The following NLRP13 variants were observed in gnomAD, a reference collection of about 807,000 sequenced individuals.
NLRP13 encodes the protein NACHT, LRR and PYD domains-containing protein 13.
Under a neutral mutation model 94.4 loss-of-function variants are expected in NLRP13, and 82 were observed. That is an observed-to-expected ratio of 0.87 (90% CI 0.73 to 1.04). NLRP13 has a LOEUF of 1.04. Ranked by LOEUF, NLRP13 falls within the 50% of genes least tolerant of loss-of-function variation. The probability of loss-of-function intolerance (pLI) is 0.00; values close to 1 mark genes in which losing one functional copy is unlikely to be tolerated. For missense variants in NLRP13, 1,426 were observed against 1,230.8 expected (o/e 1.16, Z -2.37); for synonymous variants, 553 against 464.7 (o/e 1.19, Z -2.45).
Position 55,913,093 on chromosome 19 carries a change from T to TC in NLRP13, c.723dup (p.Thr242AspfsTer31). ...AGCATAGCCTGCATTGCCAAGGTGGTCTTCCCAACCCCTGCCCTCCCCACC... is the reference window on the plus strand; with the variant it reads ...AGCATAGCCTGCATTGCCAAGGTGGTCCTTCCCAACCCCTGCCCTCCCCACC... On this transcript the variant is annotated frameshift_variant, in exon 5 of 11. Transcript: ENST00000342929. LOFTEE classifies it high-confidence loss of function. 6.2e-7 allele frequency: 1 copy of TC among 1,614,156 alleles called. No individual in the cohort carries two copies. Among genetic ancestry groups the TC allele is most frequent in the Non-Finnish European group, 8.5e-7 (1 of 1,180,016 alleles).
intron 1 of NLRP13, among the ~76,000 whole-genome samples, chr19:55,931,745 A>AGACAGAAAGAAAGACAGAAAGAAAGACAG (rs1239845592): frequency 1.7e-5 from 2 of 119,448 alleles, no homozygotes; most frequent in African/African-American, 6.3e-5. Flanking sequence ...AAAGAAAGAA[A>AGACAGAAAGAAAGACAGAAAGAAAGACAG]AAGGCTTATA....
chr19:55,930,915 C>T (rs529235376), intron 1 of NLRP13, among the ~76,000 whole-genome samples: 1 of 86,898 alleles, frequency 1.2e-5, no homozygotes, highest in African/African-American at 6.0e-5. Flanking sequence ...TAACCAGAAG[C>T]TTAAACAGCA....
intron 1 of NLRP13, among the ~76,000 whole-genome samples, chr19:55,925,912 C>T (rs1196466334): frequency 6.6e-6 from 1 of 152,040 alleles, no homozygotes; most frequent in Non-Finnish European, 1.5e-5. Context: ...TAGCCTAGGC[C>T]AAATAATCCC....
downstream of NLRP13, chr19:55,891,994 C>T (rs144185559): frequency 6.2e-3 from 5,137 of 824,666 alleles, 28 homozygotes; most frequent in Middle Eastern, 0.03. Context: ...GCATCTAATC[C>T]GTGGGATCAC....
At chr19:55,914,236 G>A (rs151001535) in intron 4 of NLRP13, among the ~76,000 whole-genome samples, 2,037 of 152,302 alleles carry the variant, frequency 0.013, 47 homozygotes, top group African/African-American at 0.045. Flanking sequence ...GATTGAGCTA[G>A]CGATTCTTAG....
At chr19:55,897,365 A>G (rs968239705) in intron 10 of NLRP13, among the ~76,000 whole-genome samples, 2 of 152,040 alleles carry the variant, frequency 1.3e-5, no homozygotes, top group Non-Finnish European at 2.9e-5. Context: ...TAATAAATAC[A>G]AAAAAACAGA....
At chr19:55,931,019 C>T (rs753846626) in intron 1 of NLRP13, among the ~76,000 whole-genome samples, 1 of 151,546 alleles carries the variant, frequency 6.6e-6, no homozygotes, top group Non-Finnish European at 1.5e-5. Flanking sequence ...TGTAACACCT[C>T]AGCAGGTCTT....
chr19:55,927,786 A>C (rs1313969305), intron 1 of NLRP13, among the ~76,000 whole-genome samples: 3 of 152,192 alleles, frequency 2.0e-5, no homozygotes, highest in African/African-American at 7.2e-5. Flanking sequence ...AGTTTAAGAA[A>C]GAATTGTGGC....
intron 1 of NLRP13, among the ~76,000 whole-genome samples, chr19:55,931,117 A>G (rs953774802): frequency 2.6e-5 from 4 of 151,794 alleles, no homozygotes; most frequent in African/African-American, 4.9e-5. Context: ...GCAGCTTGTG[A>G]GTTTTTGTGA....
Position 55,913,518 on chromosome 19 carries a change from C to T in NLRP13, c.524-225G>A, listed in dbSNP as rs142107809. Reference sequence around the variant, plus strand: ...TGAGCCGAGAGGCACCACTGCACTCCAGCCTGGGTGACAGAGTGAGACTCC... The same window carrying T: ...TGAGCCGAGAGGCACCACTGCACTCTAGCCTGGGTGACAGAGTGAGACTCC... On this transcript the variant is annotated intron_variant, in intron 4 of 10. Transcript: ENST00000342929. 5.8e-3 allele frequency among the ~76,000 whole-genome samples: 641 copies of T among 110,846 alleles called. 5 individuals are homozygous for T. The highest frequency in any genetic ancestry group is 0.022 in the African/African-American group (618 of 28,268). The allele number at this position is 110,846 out of a possible 152,430, so 72.7% of individuals were successfully genotyped here. A position where few individuals can be genotyped will look rare whatever the true frequency, so the allele number is the denominator to read the frequency against.
rs201102411 is a variant in NLRP13, at chr19:55,912,285, G to A, written c.1532C>T (p.Pro511Leu). The A allele has an allele frequency of 2.5e-6, 4 of 1,614,084 alleles. No homozygotes were observed. Among genetic ancestry groups the A allele is most frequent in the Non-Finnish European group, 3.4e-6 (4 of 1,180,014 alleles). ...EDTEIEGLEV[P>L]FIDSLYEFNI... Reference sequence around the variant, plus strand: ...GAACTCGTAGAGAGAATCAATGAAAGGCACTTCCAGGCCCTCGATCTCAGT... The same window carrying A: ...GAACTCGTAGAGAGAATCAATGAAAAGCACTTCCAGGCCCTCGATCTCAGT... The change falls in exon 5 of 11, where the codon CCT (proline) becomes CTT (leucine). Residue 511 changes from proline (P) to leucine (L), a missense_variant. Coordinates refer to ENST00000342929, the MANE Select transcript of NLRP13 (RefSeq NM_176810.2).
At chr19:55,925,072 C>A (rs375433624) in intron 1 of NLRP13, 37 bp from the exon 2 acceptor site, 1 of 1,589,376 alleles carries the variant, frequency 6.3e-7, no homozygotes, top group African/African-American at 1.3e-5. Flanking sequence ...TGAGAATACC[C>A]AGACTGAAAA....
rs768968390 is a variant in NLRP13 at position 55,900,777 on chromosome 19, A to AC, written c.2789+1257_2789+1258insG. On this transcript the variant is annotated intron_variant, in intron 9 of 10. Transcript: ENST00000342929. The stretch of plus-strand genomic sequence containing the variant: ...AGTGACAGAACAAGACTCCATCTTA[A>AC]AAAAAAAAAAAAAATCTAGAACCAG... Among the ~76,000 whole-genome samples the AC allele has an allele frequency of 3.6e-3, 525 of 146,460 alleles. 7 individuals carry two copies. Among genetic ancestry groups the AC allele is most frequent in the Admixed American group, 8.3e-3 (122 of 14,750 alleles).
chr19:55,916,031 T>G (rs1335786373), intron 4 of NLRP13, among the ~76,000 whole-genome samples: 1 of 152,162 alleles, frequency 6.6e-6, no homozygotes, highest in Non-Finnish European at 1.5e-5. Context: ...CTCACTAACC[T>G]GGCCCCACAG....
chr19:55,920,391 G>A (rs544465175), intron 4 of NLRP13, among the ~76,000 whole-genome samples: 1 of 152,162 alleles, frequency 6.6e-6, no homozygotes, highest in East Asian at 1.9e-4. Flanking sequence ...TAACCTGCAG[G>A]ATAGGAAAAA....
intron 7 of NLRP13, 69 bp from the exon 8 acceptor site, chr19:55,905,181 AC>A (rs1422141283): frequency 3.3e-6 from 5 of 1,510,366 alleles, no homozygotes; most frequent in Admixed American, 3.6e-5. Flanking sequence ...TTCTCTCTCA[AC>A]CCCTTAACCC....
At chr19:55,917,124 C>G (rs1026540302) in intron 4 of NLRP13, among the ~76,000 whole-genome samples, 2 of 152,008 alleles carry the variant, frequency 1.3e-5, no homozygotes, top group Non-Finnish European at 2.9e-5. Flanking sequence ...CTACAATAAG[C>G]TTTATAAATG....
At chr19:55,927,043 A>C (rs78531254) in intron 1 of NLRP13, among the ~76,000 whole-genome samples, 45 of 152,150 alleles carry the variant, frequency 3.0e-4, no homozygotes, top group Non-Finnish European at 6.0e-4. Flanking sequence ...GAAAAAAAAA[A>C]CCAACCCAAA....
downstream of NLRP13, among the ~76,000 whole-genome samples, chr19:55,895,404 C>T (rs1026241815): frequency 6.0e-5 from 9 of 150,102 alleles, no homozygotes; most frequent in East Asian, 2.0e-4. Context: ...AAAAACAGTC[C>T]GGGCATGGTG....
Sources: allele counts gnomAD v4.1 joint callset (sites outside exome capture counted in the v4.1 genomes callset), GRCh38; gene constraint gnomAD v4.1.1; transcripts MANE v1.5; gene names NCBI Gene and HGNC (gene_info 2026-07-23, HGNC 2026-07-21).